The following CSTPP1 variants were observed in gnomAD, a reference collection of about 807,000 sequenced individuals.
The protein encoded by CSTPP1 is centriolar satellite-associated tubulin polyglutamylase complex regulator 1.
At chr11:47,114,670 C>T in the CSTPP1 span, among the ~76,000 whole-genome samples, 2 of 152,130 alleles carry the variant, frequency 1.3e-5, no homozygotes, top group Admixed American at 6.6e-5. Flanking sequence ...GTGATTTTTG[C>T]ACATTGATTT....
the CSTPP1 span, among the ~76,000 whole-genome samples, chr11:47,122,091 A>AAAAAAAAAAAAAAAAAAAAT: frequency 6.3e-5 from 2 of 31,836 alleles, no homozygotes; most frequent in Non-Finnish European, 6.4e-5. Flanking sequence ...AAAAAAAAAA[A>AAAAAAAAAAAAAAAAAAAAT]ATATATATAT....
the CSTPP1 span, chr11:47,154,456 G>T: frequency 6.6e-6 from 1 of 152,330 alleles, no homozygotes; most frequent in Non-Finnish European, 1.5e-5. Flanking sequence ...GAGTCAGACG[G>T]TTTTCTTCCT....
chr11:47,144,662 T>A, the CSTPP1 span, among the ~76,000 whole-genome samples: 15 of 152,136 alleles, frequency 9.9e-5, no homozygotes, highest in African/African-American at 3.6e-4. Flanking sequence ...AGACTTCTTG[T>A]GATTGGCCTG....
chr11:47,137,587 A>G, the CSTPP1 span: 4 of 1,612,730 alleles, frequency 2.5e-6, no homozygotes, highest in Non-Finnish European at 3.4e-6. Context: ...ATGAACAAAA[A>G]GAGGGCAGTG....
chr11:46,947,974 G>A, the CSTPP1 span: 7 of 443,918 alleles, frequency 1.6e-5, no homozygotes, highest in East Asian at 7.0e-5. Context: ...TCCTCCTGTG[G>A]CCAACTTACA....
At chr11:47,032,963 T>C in the CSTPP1 span, among the ~76,000 whole-genome samples, 2 of 152,216 alleles carry the variant, frequency 1.3e-5, no homozygotes, top group Non-Finnish European at 2.9e-5. Flanking sequence ...TATTTTATAC[T>C]GTATTCCTAC....
chr11:47,101,193 T>TTTTTTTTTTTTTTG, the CSTPP1 span, among the ~76,000 whole-genome samples: 1 of 122,606 alleles, frequency 8.2e-6, no homozygotes, highest in Non-Finnish European at 1.7e-5. Flanking sequence ...TTTTTTTATT[T>TTTTTTTTTTTTTTG]TATTTTTAGT....
At chr11:47,024,443 T>C in the CSTPP1 span, among the ~76,000 whole-genome samples, 1 of 152,208 alleles carries the variant, frequency 6.6e-6, no homozygotes, top group South Asian at 2.1e-4. Flanking sequence ...AGAGTGAGTT[T>C]TCAGTACAGA....
the CSTPP1 span, among the ~76,000 whole-genome samples, chr11:47,134,484 C>G: frequency 6.6e-6 from 1 of 152,186 alleles, no homozygotes; most frequent in Non-Finnish European, 1.5e-5. Flanking sequence ...GCCACTGCGC[C>G]TGGCCTAAGT....
the CSTPP1 span, among the ~76,000 whole-genome samples, chr11:47,108,746 G>A: frequency 9.0e-5 from 12 of 133,562 alleles, no homozygotes; most frequent in East Asian, 2.2e-4. Flanking sequence ...TCACTGCGTC[G>A]CCCAGGCTGG....
the CSTPP1 span, among the ~76,000 whole-genome samples, chr11:47,000,145 TAAG>T: frequency 6.6e-6 from 1 of 152,214 alleles, no homozygotes. Flanking sequence ...GGTGCTACTC[TAAG>T]AATAGGCCAA....
At chr11:47,096,811 GAAA>G in the CSTPP1 span, among the ~76,000 whole-genome samples, 3 of 118,116 alleles carry the variant, frequency 2.5e-5, no homozygotes, top group Admixed American at 1.6e-4. Flanking sequence ...AGGCCCAGCA[GAAA>G]AAAAAAAAAA....
the CSTPP1 span, among the ~76,000 whole-genome samples, chr11:47,033,922 G>T: frequency 6.6e-6 from 1 of 152,056 alleles, no homozygotes; most frequent in African/African-American, 2.4e-5. Context: ...GAACTCATGG[G>T]TTCTGGGTGG....
the CSTPP1 span, among the ~76,000 whole-genome samples, chr11:46,969,831 C>T: frequency 6.6e-6 from 1 of 152,146 alleles, no homozygotes; most frequent in Non-Finnish European, 1.5e-5. Flanking sequence ...GTGGCATGAT[C>T]TCAGCTGACT....
At chr11:47,044,265 G>A in the CSTPP1 span, among the ~76,000 whole-genome samples, 2 of 152,138 alleles carry the variant, frequency 1.3e-5, no homozygotes, top group African/African-American at 2.4e-5. Flanking sequence ...GGGATTACAG[G>A]TGTGAGCCAC....
chr11:47,044,153 ATTT>A, the CSTPP1 span, among the ~76,000 whole-genome samples: 2 of 151,552 alleles, frequency 1.3e-5, no homozygotes, highest in Non-Finnish European at 2.9e-5. Flanking sequence ...CGCCTGGCTA[ATTT>A]TTTTGTGTTT....
At chr11:47,029,599 G>C in the CSTPP1 span, among the ~76,000 whole-genome samples, 1 of 149,762 alleles carries the variant, frequency 6.7e-6, no homozygotes, top group Non-Finnish European at 1.5e-5. Context: ...CTGGGCGACA[G>C]AGTGAGACTC....
At chr11:47,107,125 G>A in the CSTPP1 span, among the ~76,000 whole-genome samples, 1 of 152,170 alleles carries the variant, frequency 6.6e-6, no homozygotes, top group Non-Finnish European at 1.5e-5. Context: ...GTGTGCAGTC[G>A]GGATGTTTGC....
At chr11:46,947,716 G>A in the CSTPP1 span, among the ~76,000 whole-genome samples, 1 of 152,200 alleles carries the variant, frequency 6.6e-6, no homozygotes, top group African/African-American at 2.4e-5. Flanking sequence ...TCAAGGTCTC[G>A]TTAATACTAT....
Sources: allele counts gnomAD v4.1 joint callset (sites outside exome capture counted in the v4.1 genomes callset), GRCh38; gene constraint gnomAD v4.1.1; transcripts MANE v1.5; gene names NCBI Gene and HGNC (gene_info 2026-07-23, HGNC 2026-07-21).